The following U2AF2 variants were observed in gnomAD, a reference collection of about 807,000 sequenced individuals.
U2AF2 encodes the protein U2 small nuclear RNA auxiliary factor 2.
In U2AF2, 6 loss-of-function variants were observed where a neutral mutation model predicts 52.6. The observed-to-expected ratio is 0.11, with a 90% CI of 0.06 to 0.23. U2AF2 has a LOEUF of 0.23. Ranked by LOEUF, U2AF2 falls within the 10% of genes least tolerant of loss-of-function variation. The pLI, the probability that U2AF2 is intolerant of heterozygous loss-of-function variation, is 1.00. For missense variants in U2AF2, 222 were observed against 677.1 expected, an observed-to-expected ratio of 0.33 and a Z score of 7.46; for synonymous variants, 284 against 258.2, an observed-to-expected ratio of 1.10 and a Z score of -0.96.
At position 55,668,370 on chromosome 19, in the gene U2AF2, G is replaced by C. The variant is rs1600081804; in HGVS notation, c.743-137G>C. 24 of 780,408 alleles carry C rather than the reference G, an allele frequency of 3.1e-5. No homozygotes were observed. The highest frequency in any genetic ancestry group is 4.6e-5 in the Non-Finnish European group (23 of 499,796). The allele number at this position is 780,408 out of a possible 1,614,324, so 48.3% of individuals were successfully genotyped here. The stretch of plus-strand genomic sequence containing the variant: ...GGTCAGATAAGGCTGGGGTGGGGTG[G>C]GCACGTGGCGACCCCTCCCTCGTCA... On this transcript the variant is annotated intron_variant, in intron 7 of 11. Transcript: ENST00000308924. The surrounding 1 kb of genome is among the most constrained non-coding windows in gnomAD (Gnocchi z 5.5).
At chr19:55,663,201 T>G (rs977746839) in intron 6 of U2AF2, among the ~76,000 whole-genome samples, 2 of 152,192 alleles carry the variant, frequency 1.3e-5, no homozygotes, top group African/African-American at 4.8e-5. Context: ...TCCCTCTCAC[T>G]CTGTCTTTGC....
At position 55,659,267 on chromosome 19, in the gene U2AF2, A is replaced by G. The variant is rs375847460; in HGVS notation, c.107A>G (p.Asp36Gly). The change falls in exon 2 of 12, where the codon GAC (aspartate) becomes GGC (glycine). Residue 36 changes from aspartate (D) to glycine (G), a missense_variant. Transcript: ENST00000308924. ...KRSHSRSRSR[D>G]RKRRSRSRDR... Reference sequence around the variant, plus strand: ...AGCCACAGCCGCTCTCGGAGCCGGGACCGCAAACGCCGGAGCCGGAGCCGC... The same window carrying G: ...AGCCACAGCCGCTCTCGGAGCCGGGGCCGCAAACGCCGGAGCCGGAGCCGC... 6.2e-7 allele frequency: 1 copy of G among 1,603,474 alleles called. No individual in the cohort carries two copies. The highest frequency in any genetic ancestry group is 8.5e-7 in the Non-Finnish European group (1 of 1,174,518).
intron 4 of U2AF2, 45 bp from the exon 5 acceptor site, chr19:55,660,993 G>GCATT (rs1485475900): frequency 1.3e-6 from 2 of 1,536,900 alleles, no homozygotes; most frequent in East Asian, 4.7e-5. Flanking sequence ...TGGTCACTGA[G>GCATT]CATTCCCCTG....
In U2AF2 at chr19:55,661,499, GACACACACACACACACACACAC is replaced by G. The variant is rs59262812; in HGVS notation, c.486+332_486+353del. Among the ~76,000 whole-genome samples, 251 of 145,200 alleles carry G rather than the reference GACACACACACACACACACACAC, an allele frequency of 1.7e-3. 3 individuals carry two copies. Among genetic ancestry groups the G allele is most frequent in the African/African-American group, 6.0e-3 (237 of 39,176 alleles). On this transcript the variant is annotated intron_variant, in intron 5 of 11. Coordinates refer to ENST00000308924, the MANE Select transcript of U2AF2 (RefSeq NM_007279.3). ...GGAGAGAGACAGAGAGGGAGACTTG[GACACACACACACACACACACAC>G]ACACACACACACACACACACAGACG...
intron 2 of U2AF2, 136 bp from the exon 3 acceptor site, chr19:55,660,040 AG>A (rs1984065749): frequency 1.5e-6 from 1 of 676,116 alleles, no homozygotes; most frequent in African/African-American, 1.8e-5. Flanking sequence ...GGCAGGGCCG[AG>A]GGTGGCCTGC....
chr19:55,669,357 G>A, intron 10 of U2AF2, 87 bp from the exon 11 acceptor site: 1 of 1,541,502 alleles, frequency 6.5e-7, no homozygotes, highest in Non-Finnish European at 8.7e-7. Context: ...CCTTTCCCCT[G>A]GGGGGGCATG....
chr19:55,663,462 G>A (rs1290806661), intron 6 of U2AF2, 144 bp from the exon 7 acceptor site: 1 of 1,270,956 alleles, frequency 7.9e-7, no homozygotes, highest in Non-Finnish European at 1.1e-6. Context: ...CGTGTCTGTT[G>A]TACTCCCAGT....
At chr19:55,664,718 T>TTTG (rs952746926) in intron 7 of U2AF2, among the ~76,000 whole-genome samples, 1 of 152,052 alleles carries the variant, frequency 6.6e-6, no homozygotes, top group Admixed American at 6.5e-5. Context: ...TGCTTTTCTT[T>TTTG]TTGTTGTTGT....
In U2AF2 at chr19:55,669,527, G is replaced by A. The variant is rs1984747255; in HGVS notation, c.1128G>A (p.Glu376=). Reference sequence around the variant, plus strand: ...TGCAGATGGGCGGCCACCCGACTGAGGTCCTGTGCCTCATGAACATGGTGC... The same window carrying A: ...TGCAGATGGGCGGCCACCCGACTGAAGTCCTGTGCCTCATGAACATGGTGC... ...SQVQMGGHPT[E]VLCLMNMVLP... is the part of the protein sequence containing the mutation. Residue 376 remains glutamate (E), a synonymous_variant, in exon 11 of 12, where the codon GAG becomes GAA. Transcript: ENST00000308924. 6.2e-7 allele frequency: 1 copy of A among 1,613,894 alleles called. No homozygotes were observed. Among genetic ancestry groups the A allele is most frequent in the Non-Finnish European group, 8.5e-7 (1 of 1,179,852 alleles).
At chr19:55,670,252 C>T (rs1984809286) in intron 11 of U2AF2, among the ~76,000 whole-genome samples, 1 of 152,106 alleles carries the variant, frequency 6.6e-6, no homozygotes, top group African/African-American at 2.4e-5. Flanking sequence ...CTGCTAAGTC[C>T]TGTCACCTCC....
intron 1 of U2AF2, among the ~76,000 whole-genome samples, chr19:55,656,861 A>C (rs1027112847): frequency 3.2e-4 from 49 of 152,216 alleles, no homozygotes; most frequent in African/African-American, 1.2e-3. Context: ...CCATGCTTAG[A>C]GAGGAGGGTC....
At position 55,655,997 on chromosome 19, in the gene U2AF2, T is replaced by C. The variant is rs375577061; in HGVS notation, c.49+844T>C. Among the ~76,000 whole-genome samples the C allele has an allele frequency of 2.1e-4, 32 of 152,294 alleles. 1 individual carries two copies. The South Asian group carries it at 6.4e-3, about 31-fold the overall frequency. On this transcript the variant is annotated intron_variant, in intron 1 of 11. Coordinates refer to ENST00000308924, the MANE Select transcript of U2AF2 (RefSeq NM_007279.3). Reference sequence around the variant, plus strand: ...AATATAGAGATAAGAAAACAGGTTCTGAGGGAGGAAGAGGGATCTGGCCCA... The same window carrying C: ...AATATAGAGATAAGAAAACAGGTTCCGAGGGAGGAAGAGGGATCTGGCCCA...
intron 3 of U2AF2, 96 bp from the exon 4 acceptor site, chr19:55,660,420 G>C: frequency 6.2e-6 from 7 of 1,136,574 alleles, no homozygotes; most frequent in African/African-American, 4.6e-5. Context: ...ACATGGTTGC[G>C]GGGAGGGTGA....
At chr19:55,662,429 C>G (rs1984274249) in intron 5 of U2AF2, 73 bp from the exon 6 acceptor site, 2 of 807,412 alleles carry the variant, frequency 2.5e-6, no homozygotes. Flanking sequence ...CTGTGTCTCC[C>G]TCTCTCACCC....
intron 11 of U2AF2, among the ~76,000 whole-genome samples, chr19:55,672,462 T>C (rs563179250): frequency 6.6e-6 from 1 of 152,290 alleles, no homozygotes; most frequent in South Asian, 2.1e-4. Context: ...TGGGGGCCTT[T>C]GCTGTGCGTT....
rs1249326227 is a variant in U2AF2 at position 55,659,233 on chromosome 19, C to T, written c.73C>T (p.Arg25Trp). Residue 25 changes from arginine to tryptophan, a missense_variant, in exon 2 of 12, where the codon CGG (arginine) becomes TGG (tryptophan). Physicochemically the swap from Arg to Trp is moderately radical, Grantham distance 101 (BLOSUM62 -3). Coordinates refer to ENST00000308924, the MANE Select transcript of U2AF2 (RefSeq NM_007279.3). ...AGAGCGGGACAAGGAGAACCGGCAT[C>T]GGAAGCGCAGCCACAGCCGCTCTCG... is the stretch of plus-strand genomic sequence containing the variant. ...KQERDKENRHRKRSHSRSRSR... is the reference protein window; with the variant it reads ...KQERDKENRHWKRSHSRSRSR... The T allele has an allele frequency of 6.3e-7, 1 of 1,597,278 alleles. No homozygotes were observed. Among genetic ancestry groups the T allele is most frequent in the Non-Finnish European group, 8.5e-7 (1 of 1,170,734 alleles).
At chr19:55,667,271 C>T (rs1472247928) in intron 7 of U2AF2, among the ~76,000 whole-genome samples, 1 of 152,150 alleles carries the variant, frequency 6.6e-6, no homozygotes, top group Non-Finnish European at 1.5e-5. Flanking sequence ...TTCCCATTTC[C>T]TGTCTTACCT....
intron 5 of U2AF2, chr19:55,661,422 A>T (rs1984185187): frequency 2.1e-6 from 1 of 474,726 alleles, no homozygotes; most frequent in African/African-American, 2.1e-5. Context: ...TCCTCCAGCA[A>T]CCCAGGGATC....
intron 3 of U2AF2, 74 bp downstream of exon 3, chr19:55,660,295 C>T (rs371068039): frequency 7.9e-6 from 12 of 1,526,224 alleles, no homozygotes; most frequent in African/African-American, 2.8e-5. Flanking sequence ...GCACCCTGTC[C>T]CGCCCATTTC....
Sources: allele counts gnomAD v4.1 joint callset (sites outside exome capture counted in the v4.1 genomes callset), GRCh38; gene constraint gnomAD v4.1.1; non-coding constraint Gnocchi (gnomAD v3.1); transcripts MANE v1.5; gene names NCBI Gene and HGNC (gene_info 2026-07-23, HGNC 2026-07-21).